The following MPHOSPH9 variants were observed in gnomAD, a reference collection of about 807,000 sequenced individuals.
MPHOSPH9 encodes the protein M-phase phosphoprotein 9.
MPHOSPH9 carries 88 observed loss-of-function variants against 145.5 expected under a neutral mutation model. That is an observed-to-expected ratio of 0.60 (90% confidence interval 0.51 to 0.72). The LOEUF (loss-of-function observed/expected upper bound fraction) is 0.72, where lower values mean the gene tolerates loss of function less well. Among genes scored for constraint, MPHOSPH9 ranks in the 30% least tolerant of loss-of-function variants. The pLI, the probability that MPHOSPH9 is intolerant of heterozygous loss-of-function variation, is 0.00. For synonymous variants in MPHOSPH9, 435 were observed against 486.2 expected, an observed-to-expected ratio of 0.89 and a Z score of 1.39; for missense variants, 1,238 against 1,386.6, an observed-to-expected ratio of 0.89 and a Z score of 1.70.
At chr12:123,175,696 T>C (rs2044826964) in intron 16 of MPHOSPH9, among the ~76,000 whole-genome samples, 1 of 112,912 alleles carries the variant, frequency 8.9e-6, no homozygotes, top group African/African-American at 3.4e-5. Context: ...GCTCCAGCAA[T>C]TCTATGCACA....
In MPHOSPH9 at chr12:123,161,283, G is replaced by A. The variant is rs1464304771; in HGVS notation, c.3234C>T (p.Ala1078=). ...AGCTAACTGATTTATTCTTCTCCCAGGCTGTTCTCACAGATACTTTCTTCA... is the reference window on the plus strand; with the variant it reads ...AGCTAACTGATTTATTCTTCTCCCAAGCTGTTCTCACAGATACTTTCTTCA... ...NGVKKVSVRT[A]WEKNKSVSYE... is the part of the protein sequence containing the mutation. Residue 1078 remains alanine (A), a synonymous_variant, in exon 22 of 24, where the codon GCC becomes GCT. Transcript: ENST00000606320. The A allele has an allele frequency of 1.4e-5, 23 of 1,613,902 alleles. No homozygotes were observed. Among genetic ancestry groups the A allele is most frequent in the Non-Finnish European group, 1.9e-5 (23 of 1,180,016 alleles).
chr12:123,161,409 A>G (rs1422189264), intron 21 of MPHOSPH9, 26 bp from the exon 22 acceptor site: 1 of 1,610,000 alleles, frequency 6.2e-7, no homozygotes, highest in Non-Finnish European at 8.5e-7. Flanking sequence ...GAAATTGCTT[A>G]TATTTCTTAT....
chr12:123,178,001 C>T (rs1371883252), intron 15 of MPHOSPH9, among the ~76,000 whole-genome samples: 2 of 152,162 alleles, frequency 1.3e-5, no homozygotes, highest in Non-Finnish European at 2.9e-5. Context: ...ACTACTCTGG[C>T]CAACTGACTA....
upstream of MPHOSPH9, among the ~76,000 whole-genome samples, chr12:123,238,135 A>G (rs368880621): frequency 2.6e-5 from 4 of 152,036 alleles, no homozygotes; most frequent in African/African-American, 7.2e-5. Flanking sequence ...AGCTCAGGCA[A>G]TCCACCCTCA....
At chr12:123,188,822 T>A (rs1188937351) in intron 13 of MPHOSPH9, among the ~76,000 whole-genome samples, 3 of 152,234 alleles carry the variant, frequency 2.0e-5, no homozygotes, top group Non-Finnish European at 2.9e-5. Flanking sequence ...CACTCCTGCC[T>A]GGGCAACAAA....
chr12:123,161,032 C>A, intron 22 of MPHOSPH9, 104 bp downstream of exon 22: 4 of 1,428,678 alleles, frequency 2.8e-6, no homozygotes, highest in Non-Finnish European at 3.8e-6. Context: ...GTATGTTATC[C>A]CATTGTAATT....
upstream of MPHOSPH9, among the ~76,000 whole-genome samples, chr12:123,234,384 T>C (rs1466650393): frequency 2.0e-5 from 3 of 151,560 alleles, no homozygotes; most frequent in Non-Finnish European, 4.4e-5. Flanking sequence ...TTTTTTACTT[T>C]TTTTATTTTT....
In MPHOSPH9 at chr12:123,202,171, C is replaced by T. The variant is rs1565943659; in HGVS notation, c.1930G>A (p.Val644Ile). Residue 644 changes from valine (V) to isoleucine (I), a missense_variant, in exon 11 of 24, where the codon GTA becomes ATA. Val to Ile is a conservative substitution (Grantham distance 29). Coordinates refer to ENST00000606320, the MANE Select transcript of MPHOSPH9 (RefSeq NM_022782.4). The part of the protein sequence containing the change: ...EDWKITNQIL[V>I]DRCGQLDSAL... ...CTAAATTATAAATTTTACCTGTCTA[C>T]AAGAATTTGATTGGTTATCTTCCAA... 3.7e-6 allele frequency: 6 copies of T among 1,607,112 alleles called. No homozygotes were observed. The East Asian group carries it at 8.9e-5, about 24-fold the overall frequency.
upstream of MPHOSPH9, among the ~76,000 whole-genome samples, chr12:123,237,532 A>C (rs547506613): frequency 6.6e-6 from 1 of 152,354 alleles, no homozygotes; most frequent in Admixed American, 6.5e-5. Flanking sequence ...TAAGCATTCA[A>C]GCATTAAGCC....
intron 13 of MPHOSPH9, among the ~76,000 whole-genome samples, chr12:123,189,701 G>A (rs184851843): frequency 0.011 from 1,655 of 152,150 alleles, 24 homozygotes; most frequent in African/African-American, 0.027. Flanking sequence ...TTGGGAGGCC[G>A]AGGCGGGCGG....
In MPHOSPH9 at chr12:123,223,061, C is replaced by T; in HGVS notation, c.325G>A (p.Glu109Lys). The change falls in exon 4 of 24, where the codon GAG becomes AAG. Residue 109 changes from glutamate (E) to lysine (K), a missense_variant. This residue lies in a region of MPHOSPH9 where 837 missense variants were observed against 897.5 expected (regional missense o/e 0.93). Coordinates refer to ENST00000606320, the MANE Select transcript of MPHOSPH9 (RefSeq NM_022782.4). ...QCQEQIVAQQ[E>K]QFHNQIQHIQ... is the part of the protein sequence containing the mutation. Reference sequence around the variant, plus strand: ...ACTTGAATTTGGTTGTGGAACTGCTCCTGCTGGGCAACTATCTGTTCTTGG... The same window carrying T: ...ACTTGAATTTGGTTGTGGAACTGCTTCTGCTGGGCAACTATCTGTTCTTGG... 2.0e-6 allele frequency: 3 copies of T among 1,516,020 alleles called. No homozygotes were observed. The highest frequency in any genetic ancestry group is 1.8e-6 in the Non-Finnish European group (2 of 1,137,818). 93.9% of individuals were successfully genotyped at this position (1,516,020 alleles called of 1,614,324 possible).
intron 13 of MPHOSPH9, among the ~76,000 whole-genome samples, chr12:123,193,063 T>C (rs1450367623): frequency 5.8e-5 from 6 of 104,154 alleles, no homozygotes; most frequent in Non-Finnish European, 9.1e-5. Flanking sequence ...CAGAGAGGGA[T>C]TGTCTTTCAA....
At chr12:123,169,205 C>A (rs1458431190) in intron 16 of MPHOSPH9, among the ~76,000 whole-genome samples, 1 of 148,748 alleles carries the variant, frequency 6.7e-6, no homozygotes, top group African/African-American at 2.5e-5. Flanking sequence ...AAATTAAGAA[C>A]TATTTCAGGG....
intron 16 of MPHOSPH9, among the ~76,000 whole-genome samples, chr12:123,168,737 G>A (rs1278719085): frequency 3.9e-5 from 6 of 152,008 alleles, no homozygotes; most frequent in African/African-American, 1.4e-4. Flanking sequence ...TCCCACCTTC[G>A]TTGACAGGTG....
chr12:123,165,014 TC>T (rs1172657242), intron 18 of MPHOSPH9, among the ~76,000 whole-genome samples: 2 of 21,580 alleles, frequency 9.3e-5, no homozygotes, highest in Admixed American at 5.9e-4. Context: ...TCTCACTGTC[TC>T]AAAAAAAAAA....
chr12:123,222,950 G>T, intron 4 of MPHOSPH9, 88 bp downstream of exon 4: 1 of 743,250 alleles, frequency 1.3e-6, no homozygotes, highest in Non-Finnish European at 2.0e-6. Context: ...ATATGTGTGT[G>T]TGTATATATA....
intron 3 of MPHOSPH9, among the ~76,000 whole-genome samples, chr12:123,226,517 T>C (rs1281209786): frequency 1.3e-5 from 2 of 151,008 alleles, no homozygotes; most frequent in African/African-American, 4.9e-5. Context: ...AAAATTTATA[T>C]ATACTTTTTT....
chr12:123,179,912 T>C lies in MPHOSPH9; in HGVS notation c.2354+14A>G. The C allele has an allele frequency of 7.4e-7, 1 of 1,343,980 alleles. No individual in the cohort carries two copies. Among genetic ancestry groups the C allele is most frequent in the Non-Finnish European group, 1.0e-6 (1 of 978,110 alleles). The allele number at this position is 1,343,980 out of a possible 1,614,324, so 83.3% of individuals were successfully genotyped here. On this transcript the variant is annotated intron_variant, in intron 15 of 23. Transcript: ENST00000606320. The stretch of plus-strand genomic sequence containing the variant: ...ATTGAGGTATGTGTACATTAGTAAG[T>C]TAATACATTTTACCTTTTCAAATCA...
chr12:123,227,602 A>T lies in MPHOSPH9; in HGVS notation c.119T>A (p.Leu40His), dbSNP rs1291137924. ...GAAAGAGGATACCCCATTTGTACTA[A>T]GGTGGGGACTACTTCTGTTGAAACA... Reference protein sequence around the residue: ...NLNTDRSSPHLSTNGVSSFSG... With the variant: ...NLNTDRSSPHHSTNGVSSFSG... The change falls in exon 3 of 24, where the codon CTT becomes CAT. Residue 40 changes from leucine (L) to histidine (H), a missense_variant. This residue lies in a region of MPHOSPH9 where 837 missense variants were observed against 897.5 expected (regional missense o/e 0.93). Coordinates refer to ENST00000606320, the MANE Select transcript of MPHOSPH9 (RefSeq NM_022782.4). The T allele has an allele frequency of 6.6e-7, 1 of 1,517,266 alleles. No individual in the cohort carries two copies. Among genetic ancestry groups the T allele is most frequent in the South Asian group, 1.2e-5 (1 of 80,900 alleles). The allele number at this position is 1,517,266 out of a possible 1,614,324, so 94.0% of individuals were successfully genotyped here. A position where few individuals can be genotyped will look rare whatever the true frequency, so the allele number is the denominator to read the frequency against.
Sources: gnomAD v4.1 joint callset for allele counts (sites outside exome capture counted in the v4.1 genomes callset) on GRCh38, gnomAD v4.1.1 for gene constraint, gnomAD v4.1.1 regional missense constraint, MANE v1.5 for transcripts, NCBI Gene and HGNC (gene_info 2026-07-23, HGNC 2026-07-21) for gene names.